The following CAMTA1 variants were observed in gnomAD, a reference collection of about 807,000 sequenced individuals.
CAMTA1 encodes the protein calmodulin-binding transcription activator 1.
Under a neutral mutation model 170.9 loss-of-function variants are expected in CAMTA1, and 27 were observed. The ratio of observed to expected loss-of-function variants is 0.16; its 90% CI spans 0.12 to 0.22. CAMTA1 has a LOEUF of 0.22. Ranked by LOEUF, CAMTA1 falls within the 10% of genes least tolerant of loss-of-function variation. The pLI is 1.00. For synonymous variants in CAMTA1, 833 were observed against 891.5 expected, an observed-to-expected ratio of 0.93 and a Z score of 1.17; for missense variants, 1,619 against 2,217.2, an observed-to-expected ratio of 0.73 and a Z score of 5.42.
At chr1:7,557,675 T>C (rs2094897987) in intron 6 of CAMTA1, among the ~76,000 whole-genome samples, 1 of 152,186 alleles carries the variant, frequency 6.6e-6, no homozygotes, top group Non-Finnish European at 1.5e-5. Context: ...CGTCAGTCAA[T>C]TGCTGCATAT....
intron 11 of CAMTA1, among the ~76,000 whole-genome samples, chr1:7,712,102 C>T (rs186382665): frequency 1.3e-4 from 20 of 152,124 alleles, no homozygotes; most frequent in Admixed American, 6.5e-4. Flanking sequence ...AAGAGTGAAC[C>T]TCGCATTTAT....
At chr1:7,409,043 T>G (rs2090507573) in intron 5 of CAMTA1, among the ~76,000 whole-genome samples, 1 of 152,156 alleles carries the variant, frequency 6.6e-6, no homozygotes, top group African/African-American at 2.4e-5. Context: ...CTCCTTTAAG[T>G]ACCTGCCTGT....
intron 11 of CAMTA1, among the ~76,000 whole-genome samples, chr1:7,728,627 G>A (rs766933039): frequency 1.8e-4 from 27 of 152,212 alleles, no homozygotes; most frequent in Non-Finnish European, 3.7e-4. Context: ...TCTCCAAGTA[G>A]GTTCCGAGAT....
At chr1:6,785,797 C>G in intron 1 of CAMTA1, among the ~76,000 whole-genome samples, 1 of 136,522 alleles carries the variant, frequency 7.3e-6, no homozygotes, top group East Asian at 2.3e-4. Context: ...CGCCCCACAC[C>G]CCACCCCCGG....
At chr1:6,960,586 C>T (rs962786939) in intron 3 of CAMTA1, among the ~76,000 whole-genome samples, 2 of 152,206 alleles carry the variant, frequency 1.3e-5, no homozygotes, top group Admixed American at 1.3e-4. Context: ...ATTAATCACT[C>T]CTCCTCCATG....
chr1:7,427,585 A>G (rs1181521788), intron 5 of CAMTA1, among the ~76,000 whole-genome samples: 2 of 152,230 alleles, frequency 1.3e-5, no homozygotes, highest in Non-Finnish European at 2.9e-5. Flanking sequence ...CGAAGGTCAA[A>G]TCCTTCCCAG....
intron 4 of CAMTA1, among the ~76,000 whole-genome samples, chr1:7,106,121 A>G (rs76265472): frequency 0.057 from 8,680 of 152,200 alleles, 271 homozygotes; most frequent in African/African-American, 0.076. Flanking sequence ...AGACCCACAG[A>G]GTGGTGGTGA....
At chr1:6,939,246 T>C (rs1383454525) in intron 3 of CAMTA1, among the ~76,000 whole-genome samples, 1 of 152,262 alleles carries the variant, frequency 6.6e-6, no homozygotes, top group Non-Finnish European at 1.5e-5. Flanking sequence ...AAATTAATAC[T>C]GATTTTATTT....
At chr1:7,393,050 C>T (rs2088902095) in intron 5 of CAMTA1, among the ~76,000 whole-genome samples, 1 of 88,412 alleles carries the variant, frequency 1.1e-5, no homozygotes. Flanking sequence ...GATACTATAT[C>T]TCTTAAAAAA....
intron 3 of CAMTA1, among the ~76,000 whole-genome samples, chr1:6,950,782 GA>G (rs1165550351): frequency 1.3e-5 from 2 of 151,936 alleles, no homozygotes; most frequent in Non-Finnish European, 2.9e-5. Flanking sequence ...ACAAAGCAGG[GA>G]GAACAGGTCA....
At chr1:7,260,456 A>G (rs551445197) in intron 5 of CAMTA1, among the ~76,000 whole-genome samples, 2 of 152,178 alleles carry the variant, frequency 1.3e-5, no homozygotes, top group East Asian at 1.9e-4. Flanking sequence ...TGCAAAGGAG[A>G]GTTTGAATGT....
At chr1:7,056,912 C>T (rs991349860) in intron 3 of CAMTA1, among the ~76,000 whole-genome samples, 1 of 152,174 alleles carries the variant, frequency 6.6e-6, no homozygotes, top group South Asian at 2.1e-4. Context: ...CGCTGGGACA[C>T]CCCTCAGAAG....
intron 11 of CAMTA1, among the ~76,000 whole-genome samples, chr1:7,704,891 C>G (rs1204326511): frequency 6.9e-6 from 1 of 143,998 alleles, no homozygotes; most frequent in Non-Finnish European, 1.5e-5. Flanking sequence ...CTCAGCAGGT[C>G]CGGGTAGGTG....
intron 5 of CAMTA1, among the ~76,000 whole-genome samples, chr1:7,252,779 C>T (rs899010268): frequency 7.2e-5 from 11 of 152,142 alleles, no homozygotes; most frequent in African/African-American, 2.7e-4. Flanking sequence ...TTCCTCAGTT[C>T]AGGGGCATGA....
At chr1:6,952,475 G>A (rs1039981892) in intron 3 of CAMTA1, among the ~76,000 whole-genome samples, 17 of 142,714 alleles carry the variant, frequency 1.2e-4, no homozygotes, top group Non-Finnish European at 2.0e-4. Context: ...ATAGTGAAGA[G>A]TTTTCTTTGG....
chr1:7,601,205 A>G (rs1215107209), intron 6 of CAMTA1, among the ~76,000 whole-genome samples: 2 of 147,714 alleles, frequency 1.4e-5, no homozygotes, highest in Non-Finnish European at 3.0e-5. Context: ...CTGGGCGGAG[A>G]CGCTCCTCAC....
At chr1:7,632,622 G>A (rs556797723) in intron 6 of CAMTA1, among the ~76,000 whole-genome samples, 62 of 152,374 alleles carry the variant, frequency 4.1e-4, no homozygotes, top group Middle Eastern at 6.8e-3. Flanking sequence ...ACAGAAAGGG[G>A]TCCTGGCTCC....
At chr1:7,319,292 G>A (rs1414913119) in intron 5 of CAMTA1, among the ~76,000 whole-genome samples, 1 of 152,144 alleles carries the variant, frequency 6.6e-6, no homozygotes, top group African/African-American at 2.4e-5. Context: ...CCCCAGTGTT[G>A]GAGAGGGGGC....
At chr1:7,425,671 T>C (rs577058926) in intron 5 of CAMTA1, among the ~76,000 whole-genome samples, 1 of 151,962 alleles carries the variant, frequency 6.6e-6, no homozygotes, top group African/African-American at 2.4e-5. Flanking sequence ...TCTCTATGAC[T>C]CAAAGACGTC....
Sources: gnomAD v4.1 joint callset for allele counts (sites outside exome capture counted in the v4.1 genomes callset) on GRCh38, gnomAD v4.1.1 for gene constraint, MANE v1.5 for transcripts, NCBI Gene and HGNC (gene_info 2026-07-23, HGNC 2026-07-21) for gene names.